ATP1A3: variants seen among roughly 807,000 people sequenced by gnomAD.
ATP1A3 encodes ATPase Na+/K+ transporting subunit alpha 3, also known as sodium/potassium-transporting ATPase subunit alpha-3.
In ATP1A3, 12 loss-of-function variants were observed where a neutral mutation model predicts 108.8. The observed-to-expected ratio is 0.11, with a 90% CI of 0.07 to 0.18. The LOEUF is 0.18. Among genes scored for constraint, ATP1A3 ranks in the 10% least tolerant of loss-of-function variants. The pLI is 1.00. For missense variants in ATP1A3, 498 were observed against 1,387.7 expected, an observed-to-expected ratio of 0.36 and a Z score of 10.19; for synonymous variants, 539 against 564.5, an observed-to-expected ratio of 0.95 and a Z score of 0.64.
chr19:41,983,586 AT>A (rs1555864225), intron 8 of ATP1A3, among the ~76,000 whole-genome samples: 16 of 144,516 alleles, frequency 1.1e-4, no homozygotes, highest in East Asian at 6.1e-4. Context: ...AATAATAATA[AT>A]TATTATTATT....
At chr19:41,982,937 C>T (rs945201357) in intron 8 of ATP1A3, among the ~76,000 whole-genome samples, 1 of 152,160 alleles carries the variant, frequency 6.6e-6, no homozygotes, top group African/African-American at 2.4e-5. Flanking sequence ...TTCAGGGAGA[C>T]GCAGTCTCGT....
Position 41,967,093 on chromosome 19 carries a change from T to C in ATP1A3, c.3014-128A>G. ...AGGAAACCACACAGACAGAGACCCGTGAGAAGACAGAGTGGGTGCCCGGAG... is the reference window on the plus strand; with the variant it reads ...AGGAAACCACACAGACAGAGACCCGCGAGAAGACAGAGTGGGTGCCCGGAG... On this transcript the variant is annotated intron_variant, in intron 22 of 22. Transcript: ENST00000648268. The surrounding 1 kb of genome is among the most constrained non-coding windows in gnomAD (Gnocchi z 4.2). 3 of 1,551,616 alleles carry C rather than the reference T, an allele frequency of 1.9e-6. No individual in the cohort carries two copies. The highest frequency in any genetic ancestry group is 2.6e-6 in the Non-Finnish European group (3 of 1,146,896).
Position 41,968,935 on chromosome 19 carries a change from G to A in ATP1A3, c.2689-20C>T, listed in dbSNP as rs1555859183. ...GTATGTCTGCAGGAGCGGTGACCAGGGCACGGGACGTCAGTTAGTGGCACT... is the reference window on the plus strand; with the variant it reads ...GTATGTCTGCAGGAGCGGTGACCAGAGCACGGGACGTCAGTTAGTGGCACT... On this transcript the variant is annotated intron_variant, in intron 19 of 22. Transcript: ENST00000648268. This position sits in a 1 kb window ranked among gnomAD's most constrained non-coding sequence, Gnocchi z 5.0. 3.1e-6 allele frequency: 5 copies of A among 1,613,484 alleles called. No homozygotes were observed. Among genetic ancestry groups the A allele is most frequent in the Non-Finnish European group, 4.2e-6 (5 of 1,179,618 alleles).
At chr19:41,991,278 C>A (rs2145989739) in intron 1 of ATP1A3, among the ~76,000 whole-genome samples, 1 of 152,182 alleles carries the variant, frequency 6.6e-6, no homozygotes, top group East Asian at 1.9e-4. Flanking sequence ...GCCCCCAGAC[C>A]CAGAGGCTGA....
chr19:41,966,596 T>C lies in ATP1A3; in HGVS notation c.*341A>G, dbSNP rs553335568. On this transcript the variant is annotated 3_prime_UTR_variant, in exon 23 of 23. Coordinates refer to ENST00000648268, the MANE Select transcript of ATP1A3 (RefSeq NM_152296.5). Reference sequence around the variant, plus strand: ...ACACACACCGCTTCTCTCTCCCCACTGATATATTTGATAATTGTCCAGAAC... The same window carrying C: ...ACACACACCGCTTCTCTCTCCCCACCGATATATTTGATAATTGTCCAGAAC... The C allele has an allele frequency of 1.4e-6, 2 of 1,411,182 alleles. No individual in the cohort carries two copies. Among genetic ancestry groups the C allele is most frequent in the Non-Finnish European group, 1.9e-6 (2 of 1,058,430 alleles). The allele number at this position is 1,411,182 out of a possible 1,614,324, so 87.4% of individuals were successfully genotyped here. A position where few individuals can be genotyped will look rare whatever the true frequency, so the allele number is the denominator to read the frequency against.
At chr19:41,974,805 C>T (rs1336465495) in intron 16 of ATP1A3, among the ~76,000 whole-genome samples, 1 of 152,244 alleles carries the variant, frequency 6.6e-6, no homozygotes, top group Non-Finnish European at 1.5e-5. Flanking sequence ...CTTGTCTGGG[C>T]CTGTCAGGAG....
Position 41,978,385 on chromosome 19 carries a change from C to A in ATP1A3, c.1631-59G>T. On this transcript the variant is annotated intron_variant, in intron 12 of 22. Coordinates refer to ENST00000648268, the MANE Select transcript of ATP1A3 (RefSeq NM_152296.5). The surrounding 1 kb of genome is among the most constrained non-coding windows in gnomAD (Gnocchi z 8.3). ...CCAGCCTCGGAACCTCCGCCCCATGCCCCTAGATGTCTGCATCGCCCGCAT... is the reference window on the plus strand; with the variant it reads ...CCAGCCTCGGAACCTCCGCCCCATGACCCTAGATGTCTGCATCGCCCGCAT... 3.2e-6 allele frequency: 5 copies of A among 1,545,636 alleles called. No individual in the cohort carries two copies. Among genetic ancestry groups the A allele is most frequent in the Non-Finnish European group, 4.4e-6 (5 of 1,141,986 alleles).
At chr19:41,975,340 GC>G (rs1214393475) in intron 16 of ATP1A3, among the ~76,000 whole-genome samples, 1 of 152,124 alleles carries the variant, frequency 6.6e-6, no homozygotes, top group Non-Finnish European at 1.5e-5. Context: ...CGTGGCTGCC[GC>G]CCCTGGCTGA....
intron 1 of ATP1A3, among the ~76,000 whole-genome samples, chr19:41,992,694 C>T (rs2075351812): frequency 6.6e-6 from 1 of 151,490 alleles, no homozygotes; most frequent in Admixed American, 6.7e-5. Context: ...TGTCTCTCTG[C>T]TTGTCTCTGT....
chr19:41,979,585 G>A (rs2145967807), intron 11 of ATP1A3, among the ~76,000 whole-genome samples: 1 of 152,308 alleles, frequency 6.6e-6, no homozygotes, highest in Admixed American at 6.5e-5. Context: ...GGGATTACAG[G>A]CGTGAGCCAC....
intron 19 of ATP1A3, 97 bp downstream of exon 19, chr19:41,969,338 C>T: frequency 1.3e-6 from 2 of 1,592,474 alleles, no homozygotes; most frequent in Non-Finnish European, 1.7e-6. Flanking sequence ...CCATGGGAGA[C>T]TGAGGGGGCC....
chr19:41,966,735 A>G lies in ATP1A3; in HGVS notation c.*202T>C, dbSNP rs1490183455. 1.3e-6 allele frequency: 2 copies of G among 1,531,328 alleles called. No individual in the cohort carries two copies. Among genetic ancestry groups the G allele is most frequent in the African/African-American group, 1.4e-5 (1 of 72,242 alleles). The allele number at this position is 1,531,328 out of a possible 1,614,324, so 94.9% of individuals were successfully genotyped here. On this transcript the variant is annotated 3_prime_UTR_variant, in exon 23 of 23. Coordinates refer to ENST00000648268, the MANE Select transcript of ATP1A3 (RefSeq NM_152296.5). ...GAGAGGGAGAGAAACTGACACAGAA[A>G]AGAGAGAGGAGAGAGGTTTGGGGCA...
In ATP1A3 at chr19:41,969,694, C is replaced by T. The variant is rs2075081551; in HGVS notation, c.2543-114G>A. ...TGGAGAGGGGAGTATGCCCTCCTGG[C>T]CCTGTTATCTGGACATTGGTTCCCA... On this transcript the variant is annotated intron_variant, in intron 18 of 22. Coordinates refer to ENST00000648268, the MANE Select transcript of ATP1A3 (RefSeq NM_152296.5). The T allele has an allele frequency of 5.6e-6, 8 of 1,422,056 alleles. No individual in the cohort carries two copies. The Middle Eastern group carries it at 1.3e-3, about 236-fold the overall frequency. The allele number at this position is 1,422,056 out of a possible 1,614,324, so 88.1% of individuals were successfully genotyped here. A position where few individuals can be genotyped will look rare whatever the true frequency, so the allele number is the denominator to read the frequency against.
At chr19:41,972,850 G>GAAGA (rs2075125824) in intron 16 of ATP1A3, among the ~76,000 whole-genome samples, 1 of 136,192 alleles carries the variant, frequency 7.3e-6, no homozygotes, top group Non-Finnish European at 1.6e-5. Context: ...AGGAAGGAAG[G>GAAGA]AAGGAAGGAA....
At position 41,985,191 on chromosome 19, in the gene ATP1A3, A is replaced by G. The variant is rs1555864941; in HGVS notation, c.725-5T>C. 3 of 1,613,676 alleles carry G rather than the reference A, an allele frequency of 1.9e-6. 1 individual carries two copies. The South Asian group carries it at 3.3e-5, about 18-fold the overall frequency. On this transcript the variant is annotated splice_region_variant and splice_polypyrimidine_tract_variant and intron_variant, in intron 7 of 22. Transcript: ENST00000648268. The surrounding 1 kb of genome is among the most constrained non-coding windows in gnomAD (Gnocchi z 8.2). ...CCACCACGCCCCGAGCCGTGCCTGC[A>G]GGCCAGAGGGGTTAGGCTGAGGTGG... is the stretch of plus-strand genomic sequence containing the variant.
rs199810814 is a variant in ATP1A3 at position 41,978,834 on chromosome 19, C to T, written c.1438-36G>A. The stretch of plus-strand genomic sequence containing the variant: ...ATCAGAGGGTGGCGTGCCTGAGCCA[C>T]GCAGACACCAGGAAGCTCCCTGCCC... On this transcript the variant is annotated intron_variant, in intron 11 of 22. Coordinates refer to ENST00000648268, the MANE Select transcript of ATP1A3 (RefSeq NM_152296.5). The surrounding 1 kb of genome is among the most constrained non-coding windows in gnomAD (Gnocchi z 8.3). The T allele has an allele frequency of 9.8e-4, 1,582 of 1,609,846 alleles. No individual in the cohort carries two copies. The highest frequency in any genetic ancestry group is 1.3e-3 in the Non-Finnish European group (1,516 of 1,176,958).
chr19:41,980,066 G>C (rs1490068389), intron 11 of ATP1A3, among the ~76,000 whole-genome samples: 1 of 152,152 alleles, frequency 6.6e-6, no homozygotes, highest in African/African-American at 2.4e-5. Context: ...GTTCAGATGC[G>C]TCAGCACACT....
Position 41,978,199 on chromosome 19 carries a change from C to G in ATP1A3, c.1758G>C (p.Arg586=), listed in dbSNP as rs977103188. 2 of 1,614,228 alleles carry G rather than the reference C, an allele frequency of 1.2e-6. No homozygotes were observed. The highest frequency in any genetic ancestry group is 1.7e-5 in the Admixed American group (1 of 60,020). Reference sequence around the variant, plus strand: ...TGCCCACCGCGTCAGGGACGGCTGCCCGGGGTGGGTCGATCATGGACATGA... The same window carrying G: ...TGCCCACCGCGTCAGGGACGGCTGCGCGGGGTGGGTCGATCATGGACATGA... ...VGLMSMIDPP[R]AAVPDAVGKC... The change falls in exon 13 of 23, where the codon CGG becomes CGC. Residue 586 remains arginine, a synonymous_variant. Transcript: ENST00000648268. This position sits in a 1 kb window ranked among gnomAD's most constrained non-coding sequence, Gnocchi z 8.3.
rs782204986 is a variant in ATP1A3, at chr19:41,967,008, GGA to G, written c.3014-45_3014-44del. ...GAAAGAAAGAGACAGAGTAAGAGAT[GGA>G]GAGAGACAGGCAAGGCGAGCCGCCC... On this transcript the variant is annotated intron_variant, in intron 22 of 22. Transcript: ENST00000648268. The surrounding 1 kb of genome is among the most constrained non-coding windows in gnomAD (Gnocchi z 4.2). 122 of 1,551,494 alleles carry G rather than the reference GGA, an allele frequency of 7.9e-5. No individual in the cohort carries two copies. The highest frequency in any genetic ancestry group is 1.0e-4 in the Non-Finnish European group (118 of 1,146,972).
Sources: allele counts gnomAD v4.1 joint callset (sites outside exome capture counted in the v4.1 genomes callset), GRCh38; gene constraint gnomAD v4.1.1; non-coding constraint Gnocchi (gnomAD v3.1); transcripts MANE v1.5; gene names NCBI Gene and HGNC (gene_info 2026-07-23, HGNC 2026-07-21).